The following SHC1 variants were observed in gnomAD, a reference collection of about 807,000 sequenced individuals.
The protein encoded by SHC1 is SHC adaptor protein 1.
In SHC1, 30 loss-of-function variants were observed where a neutral mutation model predicts 55.9. The ratio of observed to expected loss-of-function variants is 0.54; its 90% CI spans 0.40 to 0.73. The LOEUF (loss-of-function observed/expected upper bound fraction) is 0.73, where lower values mean the gene tolerates loss of function less well. SHC1 is among the 30% of genes least tolerant of loss of function. The probability of loss-of-function intolerance (pLI) is 0.00; values close to 1 mark genes in which losing one functional copy is unlikely to be tolerated. For missense variants in SHC1, 675 were observed against 777.1 expected, an observed-to-expected ratio of 0.87 and a Z score of 1.56; for synonymous variants, 309 against 306.1, an observed-to-expected ratio of 1.01 and a Z score of -0.10.
rs750008315 is a variant in SHC1 at position 154,965,969 on chromosome 1, G to C, written c.1364C>G (p.Ala455Gly). The C allele has an allele frequency of 6.2e-7, 1 of 1,613,584 alleles. No homozygotes were observed. The highest frequency in any genetic ancestry group is 1.1e-5 in the South Asian group (1 of 91,032). The change falls in exon 10 of 12, where the codon GCA becomes GGA. Residue 455 changes from alanine (A) to glycine (G), a missense_variant. This residue lies in a region of SHC1 where 360 missense variants were observed against 371.1 expected (regional missense o/e 0.97). Transcript: ENST00000448116. ...ACTCATGTCAAACAGGTCCCGGGGT[G>C]CACTGCCATTGATAGCAGGATTGGG... Reference protein sequence around the residue: ...GPPNPAINGSAPRDLFDMKPF... With the variant: ...GPPNPAINGSGPRDLFDMKPF...
At position 154,962,468 on chromosome 1, in the gene SHC1, C is replaced by T. The variant is rs1176197617; in HGVS notation, c.*1335G>A. The T allele has an allele frequency of 6.6e-6, 1 of 152,650 alleles. No individual in the cohort carries two copies. Among genetic ancestry groups the T allele is most frequent in the Non-Finnish European group, 1.5e-5 (1 of 68,042 alleles). 9.5% of individuals were successfully genotyped at this position (152,650 alleles called of 1,614,324 possible). A position where few individuals can be genotyped will look rare whatever the true frequency, so the allele number is the denominator to read the frequency against. ...GTGGTGTGGCCACCCCGGGCCTAGG[C>T]TGGGCCGGGCCTGTAGAAGGTACTC... On this transcript the variant is annotated 3_prime_UTR_variant, in exon 12 of 12. Coordinates refer to ENST00000448116, the MANE Select transcript of SHC1 (RefSeq NM_001130040.2).
At position 154,967,786 on chromosome 1, in the gene SHC1, G is replaced by C. The variant is rs770590547; in HGVS notation, c.868C>G (p.Leu290Val). ...TGGGCAAGCCCTTCGGGACACTCCAGAATGTGGCAGGCTGAGGGCACAGCA... is the reference window on the plus strand; with the variant it reads ...TGGGCAAGCCCTTCGGGACACTCCACAATGTGGCAGGCTGAGGGCACAGCA... Reference protein sequence around the residue: ...DPVNQRACHILECPEGLAQDV... With the variant: ...DPVNQRACHIVECPEGLAQDV... Residue 290 changes from leucine to valine, a missense_variant, in exon 7 of 12, where the codon CTG becomes GTG. Leu to Val is a conservative substitution (Grantham distance 32). Coordinates refer to ENST00000448116, the MANE Select transcript of SHC1 (RefSeq NM_001130040.2). 15 of 1,614,012 alleles carry C rather than the reference G, an allele frequency of 9.3e-6. No homozygotes were observed. The highest frequency in any genetic ancestry group is 1.3e-5 in the Non-Finnish European group (15 of 1,180,016).
Position 154,970,545 on chromosome 1 carries a change from G to T in SHC1, c.-19C>A, listed in dbSNP as rs781591969. On this transcript the variant is annotated 5_prime_UTR_variant, in exon 1 of 12. Coordinates refer to ENST00000448116, the MANE Select transcript of SHC1 (RefSeq NM_001130040.2). This position sits in a 1 kb window ranked among gnomAD's most constrained non-coding sequence, Gnocchi z 5.5. ...GATCCATAGTTGAGGTGAAAGAGGG[G>T]CTGCTGCCCAGCCTGGCCCCCCTGC... 1.3e-6 allele frequency: 2 copies of T among 1,576,284 alleles called. No individual in the cohort carries two copies. Among genetic ancestry groups the T allele is most frequent in the Non-Finnish European group, 1.7e-6 (2 of 1,163,882 alleles).
chr1:154,971,899 C>T (rs1256995263), upstream of SHC1, among the ~76,000 whole-genome samples: 1 of 151,752 alleles, frequency 6.6e-6, no homozygotes, highest in Non-Finnish European at 1.5e-5. Flanking sequence ...TGCCACTGCT[C>T]TTCCGGAGAA....
chr1:154,972,630 C>T (rs1184244440), upstream of SHC1, among the ~76,000 whole-genome samples: 3 of 152,090 alleles, frequency 2.0e-5, no homozygotes, highest in Non-Finnish European at 4.4e-5. Flanking sequence ...CGGGTGTGGG[C>T]GTTCGGAAGA....
At chr1:154,965,861 A>C in intron 10 of SHC1, 80 bp from the exon 11 acceptor site, 1 of 1,570,830 alleles carries the variant, frequency 6.4e-7, no homozygotes, top group Non-Finnish European at 8.7e-7. Flanking sequence ...AAGGGAAGTC[A>C]GGAAGGAAAG....
chr1:154,968,044 G>A lies in SHC1; in HGVS notation c.805-13C>T, dbSNP rs369595707. 72 of 1,613,962 alleles carry A rather than the reference G, an allele frequency of 4.5e-5. No homozygotes were observed. The highest frequency in any genetic ancestry group is 3.3e-5 in the Admixed American group (2 of 59,992). The stretch of plus-strand genomic sequence containing the variant: ...ACTCGGCTGTGTCCTGGGGAGGAAG[G>A]TCAAAAAATTTTACAGTTCTACTTT... On this transcript the variant is annotated splice_polypyrimidine_tract_variant and intron_variant, in intron 5 of 11. Coordinates refer to ENST00000448116, the MANE Select transcript of SHC1 (RefSeq NM_001130040.2).
At chr1:154,971,788 A>G (rs1343664023), upstream of SHC1, among the ~76,000 whole-genome samples, 1 of 152,226 alleles carries the variant, frequency 6.6e-6, no homozygotes, top group Non-Finnish European at 1.5e-5. Flanking sequence ...CAATAAGGAC[A>G]GGAGAAAAAT....
Position 154,967,985 on chromosome 1 carries a change from T to C in SHC1, c.851A>G (p.Gln284Arg). ...VAYVAKDPVN[Q>R]RACHILECPE... ...TGCTCCCCACCATGCCTCACCTCTC[T>C]GATTCACAGGGTCTTTGGCAACATA... Residue 284 changes from glutamine (Q) to arginine (R), a missense_variant, in exon 6 of 12, where the codon CAG becomes CGG. Coordinates refer to ENST00000448116, the MANE Select transcript of SHC1 (RefSeq NM_001130040.2). The C allele has an allele frequency of 6.2e-7, 1 of 1,614,124 alleles. No homozygotes were observed. The highest frequency in any genetic ancestry group is 8.5e-7 in the Non-Finnish European group (1 of 1,179,998).
chr1:154,974,041 A>G (rs11264293), upstream of SHC1, among the ~76,000 whole-genome samples: 23,139 of 151,820 alleles, frequency 0.15, 4,432 homozygotes, highest in African/African-American at 0.45. Context: ...GGACTTCCAG[A>G]AAAACTGGGC....
chr1:154,972,905 A>G (rs1428043797), upstream of SHC1, among the ~76,000 whole-genome samples: 1 of 151,790 alleles, frequency 6.6e-6, no homozygotes, highest in African/African-American at 2.4e-5. Flanking sequence ...TAGCGACTGA[A>G]CTGTCCCTTA....
rs773822711 is a variant in SHC1 at position 154,965,726 on chromosome 1, A to G, written c.1443T>C (p.Ala481=). 1.2e-6 allele frequency: 2 copies of G among 1,614,166 alleles called. No homozygotes were observed. Among genetic ancestry groups the G allele is most frequent in the East Asian group, 2.2e-5 (1 of 44,882 alleles). The change falls in exon 11 of 12, where the codon GCT becomes GCC. Residue 481 remains alanine, a synonymous_variant. Coordinates refer to ENST00000448116, the MANE Select transcript of SHC1 (RefSeq NM_001130040.2). ...VPPPPQSVSM[A]EQLRGEPWFH... ...ACCAGGGCTCCCCTCGGAGCTGCTC[A>G]GCCATGGACACCGACTGGGGAGGTG...
chr1:154,964,224 G>A (rs1655642455), intron 11 of SHC1: 1 of 516,670 alleles, frequency 1.9e-6, no homozygotes, highest in East Asian at 5.4e-5. Context: ...TGTCTCAGAA[G>A]AGTATACACA....
upstream of SHC1, chr1:154,974,192 G>A (rs927847730): frequency 6.4e-6 from 1 of 156,428 alleles, no homozygotes; most frequent in South Asian, 1.6e-4. Flanking sequence ...GGTCCCGGGA[G>A]AGGGGTTCCG....
At chr1:154,968,457 C>T (rs190115251) in intron 4 of SHC1, 38 bp downstream of exon 4, 1 of 1,613,222 alleles carries the variant, frequency 6.2e-7, no homozygotes, top group East Asian at 2.2e-5. Context: ...TTAGCACCCC[C>T]ATCAGTGTTT....
Position 154,970,580 on chromosome 1 carries a change from C to A in SHC1, c.-54G>T. ...AGCCTGGCCCCCCTGCCAGTTTGGG[C>A]AAGGGGGCCAGGCAGGGGGTATCCC... On this transcript the variant is annotated 5_prime_UTR_variant, in exon 1 of 12. Coordinates refer to ENST00000448116, the MANE Select transcript of SHC1 (RefSeq NM_001130040.2). This position sits in a 1 kb window ranked among gnomAD's most constrained non-coding sequence, Gnocchi z 5.5. 7.3e-7 allele frequency: 1 copy of A among 1,365,222 alleles called. No individual in the cohort carries two copies. Among genetic ancestry groups the A allele is most frequent in the South Asian group, 1.4e-5 (1 of 74,050 alleles). The allele number at this position is 1,365,222 out of a possible 1,614,324, so 84.6% of individuals were successfully genotyped here.
chr1:154,967,419 G>T (rs1656141516), intron 7 of SHC1, among the ~76,000 whole-genome samples: 1 of 152,162 alleles, frequency 6.6e-6, no homozygotes, highest in East Asian at 1.9e-4. Context: ...CACCTAGCCA[G>T]AGAGAGATGT....
intron 11 of SHC1, 130 bp from the exon 12 acceptor site, chr1:154,964,061 G>A (rs1262973850): frequency 1.1e-6 from 1 of 929,000 alleles, no homozygotes; most frequent in Non-Finnish European, 1.8e-6. Context: ...GGAGAGTGTG[G>A]CCTGTCAATC....
upstream of SHC1, among the ~76,000 whole-genome samples, chr1:154,970,932 A>G (rs1656682722): frequency 6.6e-6 from 1 of 152,086 alleles, no homozygotes; most frequent in African/African-American, 2.4e-5. The surrounding 1 kb of genome is among the most constrained non-coding windows in gnomAD (Gnocchi z 5.5). Context: ...CCCCTGCCCT[A>G]TACAAACAAC....
Sources: gnomAD v4.1 joint callset for allele counts (sites outside exome capture counted in the v4.1 genomes callset) on GRCh38, gnomAD v4.1.1 for gene constraint, gnomAD v4.1.1 regional missense constraint, Gnocchi (gnomAD v3.1) non-coding constraint, MANE v1.5 for transcripts, NCBI Gene and HGNC (gene_info 2026-07-23, HGNC 2026-07-21) for gene names.